Variants in PTCD2 observed in about 807,000 individuals in gnomAD.
PTCD2 encodes the protein pentatricopeptide repeat-containing protein 2, mitochondrial.
Under a neutral mutation model 42.6 loss-of-function variants are expected in PTCD2, and 31 were observed. The ratio of observed to expected loss-of-function variants is 0.73; its 90% confidence interval spans 0.55 to 0.98. PTCD2 has a LOEUF of 0.98. Among genes scored for constraint, PTCD2 ranks in the 50% least tolerant of loss-of-function variants. The pLI, the probability that PTCD2 is intolerant of heterozygous loss-of-function variation, is 0.00. For missense variants in PTCD2, 476 were observed against 454.8 expected (o/e 1.05, Z -0.42); for synonymous variants, 183 against 170.9 (o/e 1.07, Z -0.55).
intron 8 of PTCD2, among the ~76,000 whole-genome samples, chr5:72,345,099 C>T (rs1752292067): frequency 6.6e-6 from 1 of 152,136 alleles, no homozygotes; most frequent in Non-Finnish European, 1.5e-5. Context: ...GAGACTGGGG[C>T]TTATTTCATC....
rs375538386 is a variant in PTCD2, at chr5:72,325,248, A to G, written c.221-1364A>G. Reference sequence around the variant, plus strand: ...TCTTAAGGTTTATTAAGGAGGATTAAGGAGTACAAGATGTAACGTCATCTC... The same window carrying G: ...TCTTAAGGTTTATTAAGGAGGATTAGGGAGTACAAGATGTAACGTCATCTC... On this transcript the variant is annotated intron_variant, in intron 2 of 9. Coordinates refer to ENST00000380639, the MANE Select transcript of PTCD2 (RefSeq NM_024754.5). Among the ~76,000 whole-genome samples the G allele has an allele frequency of 3.3e-5, 5 of 152,338 alleles. No homozygotes were observed. In the South Asian group the frequency reaches 1.0e-3, roughly 32 times the overall value.
At chr5:72,322,355 T>C in intron 2 of PTCD2, 91 bp downstream of exon 2, 1 of 776,950 alleles carries the variant, frequency 1.3e-6, no homozygotes, top group Non-Finnish European at 2.2e-6. Context: ...TCAGTGACTT[T>C]ATTATGCCTT....
At chr5:72,352,308 C>T (rs559911572) in intron 8 of PTCD2, among the ~76,000 whole-genome samples, 2 of 152,186 alleles carry the variant, frequency 1.3e-5, no homozygotes, top group South Asian at 4.1e-4. Context: ...TCACCACTCT[C>T]GGCTAATTTT....
intron 3 of PTCD2, among the ~76,000 whole-genome samples, chr5:72,326,952 G>GA (rs1400380303): frequency 2.0e-5 from 3 of 152,156 alleles, no homozygotes; most frequent in African/African-American, 4.8e-5. Flanking sequence ...TGGGTGCTAA[G>GA]GATAGAAAAG....
chr5:72,347,736 C>G (rs1364128675), intron 8 of PTCD2, among the ~76,000 whole-genome samples: 1 of 151,584 alleles, frequency 6.6e-6, no homozygotes, highest in Non-Finnish European at 1.5e-5. Context: ...TTTTTTTCCC[C>G]CAAATGAGAA....
rs1752052638 is a variant in PTCD2 at position 72,341,364 on chromosome 5, T to G, written c.754-1598T>G. ...AGTTATTTTCTTAATTTTGTTCTACTGTGTTCCTTTCCTCTTTTTAAAAAT... is the reference window on the plus strand; with the variant it reads ...AGTTATTTTCTTAATTTTGTTCTACGGTGTTCCTTTCCTCTTTTTAAAAAT... On this transcript the variant is annotated intron_variant, in intron 7 of 9. Transcript: ENST00000380639. Among the ~76,000 whole-genome samples, 3 of 152,286 alleles carry G rather than the reference T, an allele frequency of 2.0e-5. 1 individual carries two copies. In the South Asian group the frequency reaches 6.2e-4, roughly 32 times the overall value.
chr5:72,329,419 T>C (rs943442074), intron 3 of PTCD2, among the ~76,000 whole-genome samples: 1 of 152,190 alleles, frequency 6.6e-6, no homozygotes, highest in Non-Finnish European at 1.5e-5. Context: ...TGCTGTTTGG[T>C]TTATTGAGGG....
intron 6 of PTCD2, among the ~76,000 whole-genome samples, chr5:72,336,828 G>A (rs1471978080): frequency 6.6e-6 from 1 of 151,804 alleles, no homozygotes; most frequent in Non-Finnish European, 1.5e-5. Flanking sequence ...AATGATCAAT[G>A]TTTAATGTAT....
intron 5 of PTCD2, 26 bp from the exon 6 acceptor site, chr5:72,335,768 T>C (rs1751704598): frequency 1.3e-6 from 2 of 1,517,430 alleles, no homozygotes; most frequent in Admixed American, 1.7e-5. Context: ...ACTCTAACAC[T>C]GCGATCCACT....
rs57573366 is a variant in PTCD2 at position 72,336,710 on chromosome 5, C to CA, written c.639+845dup. Among the ~76,000 whole-genome samples the CA allele has an allele frequency of 3.2e-3, 274 of 86,282 alleles. 1 individual carries two copies. Among genetic ancestry groups the CA allele is most frequent in the African/African-American group, 4.7e-3 (106 of 22,340 alleles). The allele number at this position is 86,282 out of a possible 152,430, so 56.6% of individuals were successfully genotyped here. ...TGGGTGACAGAGTGAGACTCTGTCT[C>CA]AAAAAAAAAAAAAAAAAAAAGTTAT... On this transcript the variant is annotated intron_variant, in intron 6 of 9. Transcript: ENST00000380639.
chr5:72,320,570 C>A (rs1408963322), intron 1 of PTCD2, 61 bp downstream of exon 1: 11 of 1,602,758 alleles, frequency 6.9e-6, no homozygotes, highest in Non-Finnish European at 9.4e-6. Context: ...AGTGTTAGAT[C>A]CCAGCTAGCA....
At chr5:72,344,440 G>T (rs1285598308) in intron 8 of PTCD2, among the ~76,000 whole-genome samples, 1 of 152,146 alleles carries the variant, frequency 6.6e-6, no homozygotes, top group Non-Finnish European at 1.5e-5. Context: ...TTGAATCTGG[G>T]AGGCAGAGGT....
intron 8 of PTCD2, among the ~76,000 whole-genome samples, chr5:72,344,520 A>G (rs1332935482): frequency 6.6e-6 from 1 of 152,158 alleles, no homozygotes; most frequent in Admixed American, 6.5e-5. Context: ...CTCAAAAAAA[A>G]GAATATGAAC....
rs948266805 is a variant in PTCD2, at chr5:72,362,974, T to A, written c.*4547T>A. The A allele has an allele frequency of 4.6e-5, 7 of 152,202 alleles. No homozygotes were observed. The highest frequency in any genetic ancestry group is 1.4e-4 in the African/African-American group (6 of 41,452). The allele number at this position is 152,202 out of a possible 1,614,324, so 9.4% of individuals were successfully genotyped here. ...GATTCAGGAAATAAATACAAACTTT[T>A]AACTACTCATAATGAATATTGTTGG... On this transcript the variant is annotated 3_prime_UTR_variant, in exon 10 of 10. Transcript: ENST00000380639.
chr5:72,330,295 C>T (rs535816841), intron 3 of PTCD2, among the ~76,000 whole-genome samples: 35 of 152,164 alleles, frequency 2.3e-4, no homozygotes, highest in South Asian at 1.5e-3. Context: ...CCTCATCATT[C>T]TATTATGGTA....
intron 2 of PTCD2, among the ~76,000 whole-genome samples, chr5:72,325,798 TG>T (rs1451354677): frequency 1.8e-4 from 28 of 152,244 alleles, no homozygotes; most frequent in Non-Finnish European, 2.9e-4. Context: ...TTCTGCCTTC[TG>T]GAAAGCAGAT....
Position 72,338,642 on chromosome 5 carries a change from A to G in PTCD2, c.660A>G (p.Lys220=). The G allele has an allele frequency of 6.2e-7, 1 of 1,605,998 alleles. No homozygotes were observed. The highest frequency in any genetic ancestry group is 8.5e-7 in the Non-Finnish European group (1 of 1,173,520). ...CYKLNSPESF[K]ICTTLREEAL... ...CACAGAATAGCCCTGAGTCTTTCAA[A>G]ATCTGTACTACATTAAGAGAAGAAG... Residue 220 remains lysine, a synonymous_variant, in exon 7 of 10, where the codon AAA becomes AAG. Coordinates refer to ENST00000380639, the MANE Select transcript of PTCD2 (RefSeq NM_024754.5).
rs1007537669 is a variant in PTCD2 at position 72,360,549 on chromosome 5, A to C, written c.*2122A>C. The C allele has an allele frequency of 6.6e-6, 1 of 152,196 alleles. No individual in the cohort carries two copies. Among genetic ancestry groups the C allele is most frequent in the Non-Finnish European group, 1.5e-5 (1 of 68,030 alleles). The allele number at this position is 152,196 out of a possible 1,614,324, so 9.4% of individuals were successfully genotyped here. On this transcript the variant is annotated 3_prime_UTR_variant, in exon 10 of 10. Coordinates refer to ENST00000380639, the MANE Select transcript of PTCD2 (RefSeq NM_024754.5). The stretch of plus-strand genomic sequence containing the variant: ...AGTAATAGATGATTTTAAAGTCTTA[A>C]AAGTCCAATAAAACAGTGTTCAGTA...
intron 4 of PTCD2, among the ~76,000 whole-genome samples, chr5:72,332,428 C>T (rs1050071108): frequency 1.4e-4 from 22 of 151,934 alleles, no homozygotes; most frequent in African/African-American, 4.8e-4. Flanking sequence ...AATATAAATA[C>T]ATAGATACTG....
Sources: gnomAD v4.1 joint callset for allele counts (sites outside exome capture counted in the v4.1 genomes callset) on GRCh38, gnomAD v4.1.1 for gene constraint, MANE v1.5 for transcripts, NCBI Gene and HGNC (gene_info 2026-07-23, HGNC 2026-07-21) for gene names.